The following CSMD1 variants were observed in gnomAD, a reference collection of about 807,000 sequenced individuals.
CSMD1 encodes the protein CUB and sushi domain-containing protein 1.
A neutral mutation model predicts 417.5 loss-of-function variants in CSMD1; 213 were observed. The observed-to-expected ratio is 0.51, with a 90% CI of 0.46 to 0.57. The LOEUF is 0.57. Among genes scored for constraint, CSMD1 ranks in the 20% least tolerant of loss-of-function variants. The pLI is 0.00. For synonymous variants in CSMD1, 2,862 were observed against 1,736.8 expected (o/e 1.65, Z -16.11); for missense variants, 6,923 against 4,529.7 (o/e 1.53, Z -15.17).
intron 10 of CSMD1, among the ~76,000 whole-genome samples, chr8:3,505,062 G>T (rs929013718): frequency 1.3e-5 from 2 of 152,118 alleles, no homozygotes; most frequent in East Asian, 3.9e-4. Flanking sequence ...ATAAGCTAGT[G>T]AGAATTTCAG....
intron 3 of CSMD1, among the ~76,000 whole-genome samples, chr8:4,093,925 G>C (rs1302468145): frequency 1.3e-5 from 2 of 151,866 alleles, no homozygotes; most frequent in African/African-American, 2.4e-5. Context: ...GCGCCATTAC[G>C]CTCCAACCTG....
chr8:4,225,005 G>C (rs570920244), intron 3 of CSMD1, among the ~76,000 whole-genome samples: 1 of 152,272 alleles, frequency 6.6e-6, no homozygotes, highest in African/African-American at 2.4e-5. Context: ...CCAGCTATTG[G>C]GGAGGCTGAG....
chr8:4,164,129 C>G (rs556353056), intron 3 of CSMD1, among the ~76,000 whole-genome samples: 64 of 151,124 alleles, frequency 4.2e-4, no homozygotes, highest in Non-Finnish European at 7.5e-4. Context: ...TTTATTATAC[C>G]TGATAGTGTT....
intron 3 of CSMD1, among the ~76,000 whole-genome samples, chr8:4,041,037 G>C (rs1254385794): frequency 2.2e-5 from 2 of 89,632 alleles, no homozygotes; most frequent in Non-Finnish European, 4.2e-5. Flanking sequence ...TTTTTTTTGA[G>C]ACGGAGTCTC....
intron 2 of CSMD1, among the ~76,000 whole-genome samples, chr8:4,437,053 G>A (rs1017973445): frequency 6.6e-6 from 1 of 152,090 alleles, no homozygotes; most frequent in Non-Finnish European, 1.5e-5. Context: ...TTTCCTCAAG[G>A]TAATTTAATG....
chr8:3,233,074 T>A (rs187693147), intron 26 of CSMD1, among the ~76,000 whole-genome samples: 1 of 144,966 alleles, frequency 6.9e-6, no homozygotes, highest in East Asian at 2.0e-4. Context: ...TTTGTTTGCT[T>A]ATTATGTTTT....
intron 2 of CSMD1, among the ~76,000 whole-genome samples, chr8:4,487,214 C>T (rs1801461426): frequency 6.6e-6 from 1 of 152,042 alleles, no homozygotes; most frequent in Non-Finnish European, 1.5e-5. Flanking sequence ...GGTACATGTG[C>T]ACAATGTGCC....
intron 18 of CSMD1, among the ~76,000 whole-genome samples, chr8:3,379,044 C>G (rs1810478763): frequency 6.6e-6 from 1 of 152,208 alleles, no homozygotes; most frequent in African/African-American, 2.4e-5. Context: ...ACAACTTCAG[C>G]AATGTCTCAG....
intron 18 of CSMD1, among the ~76,000 whole-genome samples, chr8:3,379,650 G>A (rs528032495): frequency 3.3e-5 from 5 of 152,262 alleles, no homozygotes; most frequent in African/African-American, 7.2e-5. Flanking sequence ...AATGGGGAAA[G>A]GATTCCGTAT....
intron 7 of CSMD1, among the ~76,000 whole-genome samples, chr8:3,639,733 T>G (rs2117306243): frequency 6.6e-6 from 1 of 152,334 alleles, no homozygotes; most frequent in East Asian, 1.9e-4. Flanking sequence ...ATGATTTTTC[T>G]TTTGCATTTA....
intron 3 of CSMD1, among the ~76,000 whole-genome samples, chr8:4,375,507 A>G (rs1563108450): frequency 6.6e-6 from 1 of 152,140 alleles, no homozygotes; most frequent in Non-Finnish European, 1.5e-5. Flanking sequence ...TGGGCAAGTG[A>G]CATCAGAAGA....
At chr8:3,196,228 G>A (rs1199643149) in intron 33 of CSMD1, among the ~76,000 whole-genome samples, 1 of 152,114 alleles carries the variant, frequency 6.6e-6, no homozygotes, top group East Asian at 1.9e-4. Flanking sequence ...GCAATGCCAG[G>A]AAGTTACCCT....
intron 3 of CSMD1, among the ~76,000 whole-genome samples, chr8:4,294,325 G>A (rs1044903272): frequency 2.6e-5 from 4 of 152,130 alleles, no homozygotes; most frequent in African/African-American, 9.7e-5. Flanking sequence ...TACGTGCACT[G>A]ACGGTTTTCA....
chr8:4,278,815 G>A (rs915612503), intron 3 of CSMD1, among the ~76,000 whole-genome samples: 5 of 152,082 alleles, frequency 3.3e-5, no homozygotes, highest in African/African-American at 7.2e-5. Flanking sequence ...TATAAATTTG[G>A]CTCTTGGAGT....
intron 2 of CSMD1, among the ~76,000 whole-genome samples, chr8:4,508,808 A>G (rs1802668000): frequency 6.6e-6 from 1 of 152,210 alleles, no homozygotes. Context: ...TAATATGTCT[A>G]CTATTTAAAA....
intron 3 of CSMD1, among the ~76,000 whole-genome samples, chr8:4,318,809 C>G (rs538034313): frequency 1.3e-5 from 2 of 151,672 alleles, no homozygotes; most frequent in African/African-American, 2.4e-5. Context: ...TAATTTTAAA[C>G]TATTTGAAAG....
intron 3 of CSMD1, among the ~76,000 whole-genome samples, chr8:4,386,105 C>A (rs1218811057): frequency 1.3e-5 from 2 of 152,180 alleles, no homozygotes; most frequent in African/African-American, 4.8e-5. Context: ...TACCCAGAAT[C>A]TTGACTTTTA....
intron 6 of CSMD1, among the ~76,000 whole-genome samples, chr8:3,739,843 T>G (rs1796703138): frequency 6.6e-6 from 1 of 152,180 alleles, no homozygotes; most frequent in Non-Finnish European, 1.5e-5. Flanking sequence ...ATTTTACATT[T>G]GGGACAATTA....
chr8:4,587,336 A>G (rs1002146535), intron 2 of CSMD1, among the ~76,000 whole-genome samples: 3 of 152,132 alleles, frequency 2.0e-5, no homozygotes, highest in African/African-American at 7.2e-5. Flanking sequence ...CACAACTGTA[A>G]AACTGTGAGC....
Sources: gnomAD v4.1 joint callset for allele counts (sites outside exome capture counted in the v4.1 genomes callset) on GRCh38, gnomAD v4.1.1 for gene constraint, MANE v1.5 for transcripts, NCBI Gene and HGNC (gene_info 2026-07-23, HGNC 2026-07-21) for gene names.